The following TMEM135 variants were observed in gnomAD, a reference collection of about 807,000 sequenced individuals.
The protein encoded by TMEM135 is transmembrane protein 135, also known as peroxisomal membrane protein 52.
In TMEM135, 30 loss-of-function variants were observed where a neutral mutation model predicts 60.3. The ratio of observed to expected loss-of-function variants is 0.50; its 90% CI spans 0.37 to 0.68. The LOEUF (loss-of-function observed/expected upper bound fraction) is 0.68. Among genes scored for constraint, TMEM135 ranks in the 30% least tolerant of loss-of-function variants. The pLI is 0.00. For missense variants in TMEM135, 468 were observed against 548.8 expected, an observed-to-expected ratio of 0.85 and a Z score of 1.47; for synonymous variants, 190 against 186.7, an observed-to-expected ratio of 1.02 and a Z score of -0.14.
chr11:87,262,358 C>T (rs1399380540), intron 6 of TMEM135, among the ~76,000 whole-genome samples: 3 of 152,100 alleles, frequency 2.0e-5, no homozygotes, highest in African/African-American at 4.8e-5. Flanking sequence ...CATGTATTTT[C>T]GCTCCAAGAG....
At chr11:87,230,047 C>T (rs756124790) in intron 5 of TMEM135, among the ~76,000 whole-genome samples, 6 of 151,916 alleles carry the variant, frequency 3.9e-5, no homozygotes, top group East Asian at 1.9e-4. Flanking sequence ...ATTTTAAAAC[C>T]TTTTCATTTC....
At chr11:87,248,606 G>A (rs1941345389) in intron 6 of TMEM135, among the ~76,000 whole-genome samples, 1 of 145,830 alleles carries the variant, frequency 6.9e-6, no homozygotes, top group African/African-American at 2.6e-5. Flanking sequence ...TTGGTCATTT[G>A]TGGTTCCATA....
chr11:87,290,981 G>T (rs546310984), intron 6 of TMEM135, among the ~76,000 whole-genome samples: 14 of 152,226 alleles, frequency 9.2e-5, no homozygotes, highest in Admixed American at 2.0e-4. Context: ...TAGGATAAAT[G>T]GATTTTTATT....
intron 6 of TMEM135, among the ~76,000 whole-genome samples, chr11:87,286,506 C>T (rs1369563805): frequency 1.3e-5 from 2 of 152,248 alleles, no homozygotes; most frequent in Admixed American, 6.5e-5. Flanking sequence ...CTGCCAGTCC[C>T]GTGCTGCGCG....
chr11:87,248,831 C>A (rs1379019106), intron 6 of TMEM135, among the ~76,000 whole-genome samples: 1 of 151,928 alleles, frequency 6.6e-6, no homozygotes, highest in East Asian at 1.9e-4. Context: ...TCTTCCATTT[C>A]TTTCGTTAAT....
At chr11:87,164,965 A>T (rs369025106) in intron 5 of TMEM135, among the ~76,000 whole-genome samples, 1 of 26,426 alleles carries the variant, frequency 3.8e-5, no homozygotes, top group Non-Finnish European at 6.9e-5. Context: ...TTTCTAGATA[A>T]ACAATCATGT....
chr11:87,215,654 T>C (rs994244205), intron 5 of TMEM135, among the ~76,000 whole-genome samples: 1 of 152,196 alleles, frequency 6.6e-6, no homozygotes, highest in South Asian at 2.1e-4. Context: ...TGATAAGGGC[T>C]AACCCAGGAA....
intron 4 of TMEM135, among the ~76,000 whole-genome samples, chr11:87,143,377 T>C (rs2135248406): frequency 6.6e-6 from 1 of 151,924 alleles, no homozygotes; most frequent in South Asian, 2.1e-4. Context: ...TTTTTTTTTT[T>C]TTAAGCTGAC....
At chr11:87,286,658 A>G (rs908426270) in intron 6 of TMEM135, among the ~76,000 whole-genome samples, 2 of 152,272 alleles carry the variant, frequency 1.3e-5, no homozygotes, top group East Asian at 3.8e-4. Flanking sequence ...GCAAGACTAC[A>G]TAAAATTGCA....
intron 4 of TMEM135, among the ~76,000 whole-genome samples, chr11:87,139,175 T>A (rs909766261): frequency 1.3e-5 from 2 of 152,130 alleles, no homozygotes; most frequent in Non-Finnish European, 1.5e-5. Flanking sequence ...TCCTAAAAAA[T>A]TTTTCATTAA....
intron 5 of TMEM135, among the ~76,000 whole-genome samples, chr11:87,187,216 A>C (rs1178811814): frequency 6.6e-6 from 1 of 152,174 alleles, no homozygotes. Flanking sequence ...GGTTAGCTTG[A>C]ACTTATGTGC....
At chr11:87,139,683 C>T (rs544654626) in intron 4 of TMEM135, among the ~76,000 whole-genome samples, 8 of 152,262 alleles carry the variant, frequency 5.3e-5, no homozygotes, top group Admixed American at 3.3e-4. Flanking sequence ...TATGAGAGTT[C>T]CAGTATCTCC....
intron 6 of TMEM135, among the ~76,000 whole-genome samples, chr11:87,267,268 A>G (rs1010688583): frequency 1.5e-4 from 23 of 152,208 alleles, no homozygotes; most frequent in Admixed American, 9.8e-4. Flanking sequence ...GATGAAAAAA[A>G]TTATCATCTA....
chr11:87,133,325 A>G (rs1483507361), intron 4 of TMEM135, among the ~76,000 whole-genome samples: 2 of 152,198 alleles, frequency 1.3e-5, no homozygotes, highest in Non-Finnish European at 1.5e-5. Context: ...CCACGTAACC[A>G]TCACCACATA....
chr11:87,246,468 C>T (rs1941273950), intron 6 of TMEM135, among the ~76,000 whole-genome samples: 1 of 152,172 alleles, frequency 6.6e-6, no homozygotes, highest in Non-Finnish European at 1.5e-5. Flanking sequence ...GTTGCATTCT[C>T]CCTGTCACTT....
chr11:87,061,436 C>G (rs1949946304), intron 1 of TMEM135, among the ~76,000 whole-genome samples: 1 of 152,154 alleles, frequency 6.6e-6, no homozygotes, highest in Non-Finnish European at 1.5e-5. Flanking sequence ...CTGAGAAACT[C>G]TACTTTAAAG....
At chr11:87,191,982 CTTTTCTTTTT>C (rs1200709900) in intron 5 of TMEM135, among the ~76,000 whole-genome samples, 34 of 93,988 alleles carry the variant, frequency 3.6e-4, no homozygotes, top group Middle Eastern at 5.8e-3. Flanking sequence ...CTTTTCTTTT[CTTTTCTTTTT>C]TTTTTTTTTT....
intron 5 of TMEM135, among the ~76,000 whole-genome samples, chr11:87,223,325 C>A (rs1294913544): frequency 6.7e-6 from 1 of 148,344 alleles, no homozygotes; most frequent in African/African-American, 2.6e-5. Context: ...CCACCATGCC[C>A]AGCTAATTTT....
intron 6 of TMEM135, among the ~76,000 whole-genome samples, chr11:87,284,798 C>G (rs149005854): frequency 6.6e-6 from 1 of 152,284 alleles, no homozygotes; most frequent in African/African-American, 2.4e-5. Flanking sequence ...CTTGCTATTT[C>G]AAGTTCAGAT....
Sources: gnomAD v4.1 joint callset for allele counts (sites outside exome capture counted in the v4.1 genomes callset) on GRCh38, gnomAD v4.1.1 for gene constraint, MANE v1.5 for transcripts, NCBI Gene and HGNC (gene_info 2026-07-23, HGNC 2026-07-21) for gene names.